The following GRIK2 variants were observed in gnomAD, a reference collection of about 807,000 sequenced individuals.
GRIK2 encodes the protein glutamate receptor ionotropic, kainate 2.
A neutral mutation model predicts 100.3 loss-of-function variants in GRIK2; 32 were observed. That is an observed-to-expected ratio of 0.32 (90% CI 0.24 to 0.43). The LOEUF (loss-of-function observed/expected upper bound fraction) is 0.43. Among genes scored for constraint, GRIK2 ranks in the 20% least tolerant of loss-of-function variants. The pLI is 1.00. For missense variants in GRIK2, 843 were observed against 1,114.9 expected, an observed-to-expected ratio of 0.76 and a Z score of 3.47; for synonymous variants, 417 against 389.4, an observed-to-expected ratio of 1.07 and a Z score of -0.83.
chr6:101,812,060 A>C (rs1003213751), intron 9 of GRIK2, among the ~76,000 whole-genome samples: 1 of 151,538 alleles, frequency 6.6e-6, no homozygotes, highest in African/African-American at 2.4e-5. Context: ...GAAAAAATGG[A>C]AATTCATAGT....
chr6:101,528,308 T>C (rs1332916739), intron 2 of GRIK2, among the ~76,000 whole-genome samples: 7 of 152,178 alleles, frequency 4.6e-5, no homozygotes, highest in African/African-American at 1.7e-4. Flanking sequence ...CTCTATATTA[T>C]ATAACACCCA....
At chr6:101,791,598 T>C (rs962282001) in intron 7 of GRIK2, among the ~76,000 whole-genome samples, 9 of 152,164 alleles carry the variant, frequency 5.9e-5, no homozygotes, top group African/African-American at 2.2e-4. Flanking sequence ...TCTTTTTTTT[T>C]ACATTTGCTG....
intron 7 of GRIK2, among the ~76,000 whole-genome samples, chr6:101,761,079 A>T (rs1777628250): frequency 6.6e-6 from 1 of 152,178 alleles, no homozygotes. Context: ...AAGAACTCTA[A>T]TATTGAGTGT....
rs75205350 is a variant in GRIK2 at position 101,450,141 on chromosome 6, A to G, written c.115+50749A>G. Among the ~76,000 whole-genome samples the G allele has an allele frequency of 3.9e-3, 591 of 151,894 alleles. 5 individuals are homozygous for G. Among genetic ancestry groups the G allele is most frequent in the African/African-American group, 0.014 (570 of 41,540 alleles). On this transcript the variant is annotated intron_variant, in intron 2 of 16. Transcript: ENST00000369134. ...ACTGCCCTCAAGGTTACTAGTTCTT[A>G]GACTTCTATCATAGATAGCAAGAGA...
At chr6:101,815,160 G>T (rs1327796306) in intron 9 of GRIK2, among the ~76,000 whole-genome samples, 2 of 152,122 alleles carry the variant, frequency 1.3e-5, no homozygotes, top group Admixed American at 6.5e-5. Context: ...TGGAAACTGT[G>T]CAAGGAATGT....
At chr6:102,040,374 A>G (rs1233549303) in intron 15 of GRIK2, among the ~76,000 whole-genome samples, 1 of 151,556 alleles carries the variant, frequency 6.6e-6, no homozygotes, top group Non-Finnish European at 1.5e-5. Flanking sequence ...TATGAATATC[A>G]AAAAGCAGTA....
chr6:101,891,828 A>G (rs1008311808), intron 12 of GRIK2, among the ~76,000 whole-genome samples: 3 of 152,062 alleles, frequency 2.0e-5, no homozygotes, highest in Non-Finnish European at 4.4e-5. Flanking sequence ...AGCTTTTTCT[A>G]CCTTCTGTGA....
chr6:101,429,799 A>T (rs998582247), intron 2 of GRIK2, among the ~76,000 whole-genome samples: 13 of 152,088 alleles, frequency 8.5e-5, no homozygotes, highest in African/African-American at 2.9e-4. Flanking sequence ...ATTTGTTGTC[A>T]TTTCTTAAAG....
At chr6:101,435,827 T>C (rs556391310) in intron 2 of GRIK2, among the ~76,000 whole-genome samples, 1 of 152,264 alleles carries the variant, frequency 6.6e-6, no homozygotes, top group East Asian at 1.9e-4. Context: ...TTCTCAAGTT[T>C]AATCATTTTT....
At chr6:101,511,660 G>A (rs757157035) in intron 2 of GRIK2, among the ~76,000 whole-genome samples, 5 of 151,776 alleles carry the variant, frequency 3.3e-5, no homozygotes, top group African/African-American at 7.3e-5. Context: ...TAGTTTTATC[G>A]CTTCTCAGCC....
chr6:101,876,490 C>G (rs139588011), intron 11 of GRIK2, among the ~76,000 whole-genome samples: 59,800 of 147,868 alleles, frequency 0.4, 13,340 homozygotes, highest in Middle Eastern at 0.59. Context: ...AACAAACACA[C>G]ACACACACAC....
At chr6:101,424,411 C>T (rs1776587701) in intron 2 of GRIK2, among the ~76,000 whole-genome samples, 1 of 149,076 alleles carries the variant, frequency 6.7e-6, no homozygotes, top group Non-Finnish European at 1.5e-5. Context: ...TGAGTGAGAA[C>T]ATGTGGTGTT....
In GRIK2 at chr6:101,952,637, C is replaced by G. The variant is rs138807135; in HGVS notation, c.2085+24005C>G. Among the ~76,000 whole-genome samples, 745 of 151,092 alleles carry G rather than the reference C, an allele frequency of 4.9e-3. 7 individuals are homozygous for G. The highest frequency in any genetic ancestry group is 9.8e-3 in the South Asian group (47 of 4,790). The stretch of plus-strand genomic sequence containing the variant: ...TTTTTTTTTGAGGCGGAGTCTCGCT[C>G]CATCTCTCAGGCTGGAGTGCAGTGG... On this transcript the variant is annotated intron_variant, in intron 14 of 16. Transcript: ENST00000369134.
intron 2 of GRIK2, among the ~76,000 whole-genome samples, chr6:101,440,183 G>T (rs973344796): frequency 2.0e-5 from 3 of 152,014 alleles, no homozygotes; most frequent in Admixed American, 6.6e-5. Context: ...GCTTGAAAAA[G>T]AATCTACTAA....
intron 2 of GRIK2, among the ~76,000 whole-genome samples, chr6:101,560,466 A>T (rs1000379917): frequency 6.6e-6 from 1 of 152,106 alleles, no homozygotes; most frequent in African/African-American, 2.4e-5. Flanking sequence ...TTCCAATGCC[A>T]GTATAGCATT....
chr6:101,755,709 A>G (rs1777095561), intron 7 of GRIK2, among the ~76,000 whole-genome samples: 2 of 152,196 alleles, frequency 1.3e-5, no homozygotes, highest in Non-Finnish European at 2.9e-5. Context: ...AGTGTGTATG[A>G]TAAGTTTTTG....
chr6:101,435,748 A>G (rs1338438890), intron 2 of GRIK2, among the ~76,000 whole-genome samples: 2 of 152,060 alleles, frequency 1.3e-5, no homozygotes, highest in South Asian at 2.1e-4. Context: ...GATTAATGCC[A>G]TTGACATTCT....
chr6:101,774,965 T>C (rs1778651067), intron 7 of GRIK2, among the ~76,000 whole-genome samples: 1 of 152,134 alleles, frequency 6.6e-6, no homozygotes, highest in South Asian at 2.1e-4. Flanking sequence ...ATTTATAACT[T>C]TAAAACTTCA....
At chr6:102,044,076 T>A (rs937002747) in intron 15 of GRIK2, among the ~76,000 whole-genome samples, 1 of 151,970 alleles carries the variant, frequency 6.6e-6, no homozygotes, top group African/African-American at 2.4e-5. Flanking sequence ...GGAATACCAT[T>A]GAAAGACCTT....
Sources: allele counts gnomAD v4.1 joint callset (sites outside exome capture counted in the v4.1 genomes callset), GRCh38; gene constraint gnomAD v4.1.1; transcripts MANE v1.5; gene names NCBI Gene and HGNC (gene_info 2026-07-23, HGNC 2026-07-21).